The following TMEM273 variants were observed in gnomAD, a reference collection of about 807,000 sequenced individuals.
The protein encoded by TMEM273 is transmembrane protein 273.
Under a neutral mutation model 17.9 loss-of-function variants are expected in TMEM273, and 19 were observed. That is an observed-to-expected ratio of 1.06 (90% CI 0.74 to 1.55). TMEM273 has a LOEUF of 1.55. Among genes scored for constraint, TMEM273 ranks in the 40% most tolerant of loss-of-function variants. TMEM273 has a pLI of 0.00. For missense variants in TMEM273, 194 were observed against 155.6 expected (o/e 1.25, Z -1.31); for synonymous variants, 66 against 62.0 (o/e 1.07, Z -0.31).
At chr10:49,177,285 A>G (rs973380866) in intron 1 of TMEM273, among the ~76,000 whole-genome samples, 1 of 152,222 alleles carries the variant, frequency 6.6e-6, no homozygotes. Context: ...GGAAATTGAA[A>G]TAAAAGCATT....
intron 1 of TMEM273, among the ~76,000 whole-genome samples, chr10:49,174,775 C>A (rs893917117): frequency 6.6e-6 from 1 of 152,206 alleles, no homozygotes; most frequent in African/African-American, 2.4e-5. Flanking sequence ...GACCGCCCCC[C>A]ATCCACGGAA....
chr10:49,157,134 A>C (rs1417612697), intron 6 of TMEM273, among the ~76,000 whole-genome samples: 1 of 152,228 alleles, frequency 6.6e-6, no homozygotes, highest in East Asian at 1.9e-4. Context: ...TTGAGATATC[A>C]ATGCCCAGAG....
chr10:49,169,222 G>T (rs1846397577), intron 1 of TMEM273, among the ~76,000 whole-genome samples: 1 of 152,172 alleles, frequency 6.6e-6, no homozygotes, highest in African/African-American at 2.4e-5. Flanking sequence ...CAAACTTCCA[G>T]GCAAAGGCAG....
At chr10:49,181,284 C>G (rs1415574924) in intron 1 of TMEM273, among the ~76,000 whole-genome samples, 1 of 152,204 alleles carries the variant, frequency 6.6e-6, no homozygotes, top group Non-Finnish European at 1.5e-5. Context: ...TGTCAAATCT[C>G]CCCAGATTGA....
intron 1 of TMEM273, among the ~76,000 whole-genome samples, chr10:49,168,645 C>T (rs1351507343): frequency 7.8e-6 from 1 of 127,522 alleles, no homozygotes; most frequent in African/African-American, 3.0e-5. Context: ...CATTAATAGA[C>T]ATTGGTGAAT....
At chr10:49,186,191 C>G (rs1453157605) in intron 1 of TMEM273, among the ~76,000 whole-genome samples, 1 of 152,124 alleles carries the variant, frequency 6.6e-6, no homozygotes, top group Non-Finnish European at 1.5e-5. Flanking sequence ...GTAACTATCA[C>G]TTCATCACTT....
chr10:49,163,017 T>A (rs1363222314), intron 5 of TMEM273, among the ~76,000 whole-genome samples: 2 of 152,068 alleles, frequency 1.3e-5, no homozygotes, highest in Non-Finnish European at 2.9e-5. Flanking sequence ...CAGCGGGGAC[T>A]GGGACACCCT....
intron 6 of TMEM273, among the ~76,000 whole-genome samples, chr10:49,157,807 A>G (rs1564617365): frequency 1.3e-5 from 2 of 152,202 alleles, no homozygotes; most frequent in Admixed American, 6.5e-5. Context: ...TTTTTCCACT[A>G]TTATTTAACA....
intron 1 of TMEM273, chr10:49,178,126 G>A (rs189316904): frequency 1.5e-4 from 67 of 454,654 alleles, no homozygotes; most frequent in Non-Finnish European, 2.7e-4. Flanking sequence ...AAATCCTACA[G>A]AATAAGGCCC....
chr10:49,156,882 T>C (rs1190074067), intron 6 of TMEM273, among the ~76,000 whole-genome samples: 2 of 152,038 alleles, frequency 1.3e-5, no homozygotes, highest in Non-Finnish European at 2.9e-5. Flanking sequence ...CAGCAAGATA[T>C]GGTGAGAGGA....
intron 6 of TMEM273, chr10:49,161,394 A>G: frequency 3.2e-6 from 2 of 634,050 alleles, no homozygotes; most frequent in East Asian, 5.5e-5. Flanking sequence ...GCTTCATGTT[A>G]AATCTTGCCA....
intron 1 of TMEM273, among the ~76,000 whole-genome samples, chr10:49,184,928 T>A (rs1462359861): frequency 1.3e-5 from 2 of 152,200 alleles, no homozygotes; most frequent in Admixed American, 1.3e-4. Flanking sequence ...TTGGGATGAA[T>A]GCATTTGACC....
intron 3 of TMEM273, 106 bp from the exon 4 acceptor site, chr10:49,165,902 G>A: frequency 6.9e-7 from 1 of 1,442,810 alleles, no homozygotes; most frequent in South Asian, 1.2e-5. Context: ...ACTCACGGTT[G>A]CCCTCGAGAG....
rs1297540197 is a variant in TMEM273 at position 49,165,274 on chromosome 10, T to A, written c.279A>T (p.Gln93His). 2 of 1,550,442 alleles carry A rather than the reference T, an allele frequency of 1.3e-6. No individual in the cohort carries two copies. The highest frequency in any genetic ancestry group is 1.7e-6 in the Non-Finnish European group (2 of 1,147,004). The change falls in exon 5 of 7, where the codon CAA becomes CAT. Residue 93 changes from glutamine to histidine, a missense_variant. Gln to His is a conservative substitution (Grantham distance 24, BLOSUM62 0). Transcript: ENST00000374153. The part of the protein sequence containing the change: ...PLKKRAPRKL[Q>H]ASTLFSFKSL... The stretch of plus-strand genomic sequence containing the variant: ...ATTTGAAGGAAAAGAGGGTCGAGGC[T>A]TGCAGCTTTCTGGCAAAGAGCATTC...
At chr10:49,166,042 G>A (rs541597474) in intron 3 of TMEM273, among the ~76,000 whole-genome samples, 42 of 152,300 alleles carry the variant, frequency 2.8e-4, no homozygotes, top group Admixed American at 2.2e-3. Context: ...CGATGCACAC[G>A]CCAGCATCTC....
chr10:49,160,205 C>G lies in TMEM273; in HGVS notation c.372+1394G>C, dbSNP rs181377414. 5 of 152,218 alleles carry G rather than the reference C, an allele frequency of 3.3e-5. No individual in the cohort carries two copies. The East Asian group carries it at 9.6e-4, about 29-fold the overall frequency. 9.4% of individuals were successfully genotyped at this position (152,218 alleles called of 1,614,324 possible). A position where few individuals can be genotyped will look rare whatever the true frequency, so the allele number is the denominator to read the frequency against. On this transcript the variant is annotated intron_variant, in intron 6 of 6. Transcript: ENST00000374153. ...ATATTCACATAGTGTCAAAGTGCCACCCCTCGTATTATTCATTTCAGAGGG... is the reference window on the plus strand; with the variant it reads ...ATATTCACATAGTGTCAAAGTGCCAGCCCTCGTATTATTCATTTCAGAGGG...
At chr10:49,164,739 C>G (rs538957520) in intron 5 of TMEM273, among the ~76,000 whole-genome samples, 3 of 152,146 alleles carry the variant, frequency 2.0e-5, no homozygotes, top group Admixed American at 1.3e-4. Flanking sequence ...TCCTTCCGCA[C>G]GTAGCCTGAG....
At chr10:49,186,077 A>AGAAGAG (rs1847677951) in intron 1 of TMEM273, among the ~76,000 whole-genome samples, 1 of 140,996 alleles carries the variant, frequency 7.1e-6, no homozygotes, top group African/African-American at 2.8e-5. Context: ...AGGAAGAAGA[A>AGAAGAG]GAAGAAGAAG....
Position 49,155,870 on chromosome 10 carries a change from C to A in TMEM273, c.*22G>T. 4 of 1,614,184 alleles carry A rather than the reference C, an allele frequency of 2.5e-6. No individual in the cohort carries two copies. Among genetic ancestry groups the A allele is most frequent in the Non-Finnish European group, 3.4e-6 (4 of 1,180,026 alleles). On this transcript the variant is annotated 3_prime_UTR_variant, in exon 7 of 7. Transcript: ENST00000374153. ...TTTCCACGGGGCTAGAACCCCTCTT[C>A]ACGTCACTGCTCACCTACAGCTCAA...
Sources: gnomAD v4.1 joint callset for allele counts (sites outside exome capture counted in the v4.1 genomes callset) on GRCh38, gnomAD v4.1.1 for gene constraint, MANE v1.5 for transcripts, NCBI Gene and HGNC (gene_info 2026-07-23, HGNC 2026-07-21) for gene names.